Variants in MAST4 observed in about 807,000 individuals in gnomAD.
MAST4 encodes the protein microtubule associated serine/threonine kinase family member 4, also known as microtubule-associated serine/threonine-protein kinase 4.
In MAST4, 89 loss-of-function variants were observed where a neutral mutation model predicts 162.7. The observed-to-expected ratio is 0.55, with a 90% confidence interval of 0.46 to 0.65. The LOEUF (loss-of-function observed/expected upper bound fraction) is 0.65, where lower values mean the gene tolerates loss of function less well. MAST4 is among the 30% of genes least tolerant of loss of function. The pLI is 0.00. For synonymous variants in MAST4, 1,479 were observed against 1,361.1 expected (o/e 1.09, Z -1.91); for missense variants, 3,153 against 3,374.0 (o/e 0.93, Z 1.62).
At chr5:66,856,745 AG>A (rs1759712636) in intron 3 of MAST4, among the ~76,000 whole-genome samples, 2 of 152,234 alleles carry the variant, frequency 1.3e-5, no homozygotes, top group South Asian at 4.1e-4. Flanking sequence ...ATATTACTGT[AG>A]GAAGATCTTT....
chr5:66,751,849 C>G (rs1356099031), intron 1 of MAST4, among the ~76,000 whole-genome samples: 1 of 148,800 alleles, frequency 6.7e-6, no homozygotes, highest in Non-Finnish European at 1.5e-5. Context: ...TTGTCAGATT[C>G]ACCAAAGTTG....
intron 4 of MAST4, among the ~76,000 whole-genome samples, chr5:66,933,397 T>A (rs1742377770): frequency 1.3e-5 from 2 of 152,116 alleles, no homozygotes; most frequent in Admixed American, 6.5e-5. Context: ...AGGAAAAAAA[T>A]TATTTTTGGT....
At chr5:67,133,998 G>T (rs1387281508) in intron 17 of MAST4, among the ~76,000 whole-genome samples, 1 of 152,106 alleles carries the variant, frequency 6.6e-6, no homozygotes, top group Non-Finnish European at 1.5e-5. Flanking sequence ...ACCATCACGG[G>T]TGCTAAATCC....
intron 1 of MAST4, among the ~76,000 whole-genome samples, chr5:66,654,250 G>A (rs140781960): frequency 1.8e-4 from 28 of 152,338 alleles, no homozygotes; most frequent in African/African-American, 6.7e-4. Flanking sequence ...GGACATAGAA[G>A]TGGTACAGAA....
At chr5:66,915,648 A>T (rs547082285) in intron 4 of MAST4, among the ~76,000 whole-genome samples, 11 of 152,322 alleles carry the variant, frequency 7.2e-5, no homozygotes, top group Non-Finnish European at 1.0e-4. Flanking sequence ...GAGGAAAAAA[A>T]TGCCAGTTGT....
intron 3 of MAST4, among the ~76,000 whole-genome samples, chr5:66,798,913 C>G (rs1332291454): frequency 6.6e-6 from 1 of 152,100 alleles, no homozygotes; most frequent in Non-Finnish European, 1.5e-5. Flanking sequence ...TTCCTAAATA[C>G]AGTGATGAAG....
At chr5:66,682,005 A>C (rs754403494) in intron 1 of MAST4, among the ~76,000 whole-genome samples, 5 of 152,216 alleles carry the variant, frequency 3.3e-5, no homozygotes, top group Non-Finnish European at 7.3e-5. Context: ...ACAGCCAGAC[A>C]GTCTATCGTG....
intron 4 of MAST4, among the ~76,000 whole-genome samples, chr5:66,907,160 AGAGAGAGAG>A (rs1561433672): frequency 0.061 from 642 of 10,572 alleles, 25 homozygotes; most frequent in African/African-American, 0.1. Context: ...CAGCAAAGCG[AGAGAGAGAG>A]AGAGAGAGAG....
At chr5:66,954,435 G>A (rs909750397) in intron 4 of MAST4, among the ~76,000 whole-genome samples, 2 of 152,058 alleles carry the variant, frequency 1.3e-5, no homozygotes, top group Non-Finnish European at 2.9e-5. Context: ...ATATAGGGAG[G>A]GTCATTCATT....
intron 3 of MAST4, among the ~76,000 whole-genome samples, chr5:66,801,475 A>G (rs1755919556): frequency 6.6e-6 from 1 of 152,244 alleles, no homozygotes; most frequent in South Asian, 2.1e-4. Context: ...AGATGTTAAA[A>G]AATGAAAACT....
rs1216715201 is a variant in MAST4, at chr5:67,169,074, T to C, written c.*2023T>C. On this transcript the variant is annotated 3_prime_UTR_variant, in exon 29 of 29. Coordinates refer to ENST00000403625, the MANE Select transcript of MAST4 (RefSeq NM_001164664.2). The stretch of plus-strand genomic sequence containing the variant: ...GGTCTCAACGTTTATAATACATATC[T>C]GTGTTTGGCAGTTGTCATAACCCAA... The C allele has an allele frequency of 1.3e-5, 2 of 152,190 alleles. No homozygotes were observed. Among genetic ancestry groups the C allele is most frequent in the Non-Finnish European group, 2.9e-5 (2 of 68,036 alleles). The allele number at this position is 152,190 out of a possible 1,614,324, so 9.4% of individuals were successfully genotyped here. A position where few individuals can be genotyped will look rare whatever the true frequency, so the allele number is the denominator to read the frequency against.
chr5:66,612,138 A>C (rs1435767535), intron 1 of MAST4, among the ~76,000 whole-genome samples: 1 of 152,224 alleles, frequency 6.6e-6, no homozygotes, highest in Admixed American at 6.5e-5. Context: ...TATCTCTGGC[A>C]GTGTTTAAAG....
chr5:66,765,622 TA>T (rs543751372), intron 2 of MAST4, among the ~76,000 whole-genome samples: 1,779 of 152,130 alleles, frequency 0.012, 32 homozygotes, highest in African/African-American at 0.039. Flanking sequence ...GTTAGCTTCT[TA>T]AAAAAAATCT....
At chr5:67,049,975 G>C (rs1026907092) in intron 4 of MAST4, among the ~76,000 whole-genome samples, 3 of 152,216 alleles carry the variant, frequency 2.0e-5, no homozygotes, top group Non-Finnish European at 4.4e-5. Context: ...AACTTTTACA[G>C]GTCCCACCAA....
Position 66,966,759 on chromosome 5 carries a change from G to A in MAST4, c.674+66777G>A, listed in dbSNP as rs148783204. Reference sequence around the variant, plus strand: ...GGAAATAAGTTTGGTTAAATAGTTAGCAATCTTTGTTGTAGAAGTTGATGA... The same window carrying A: ...GGAAATAAGTTTGGTTAAATAGTTAACAATCTTTGTTGTAGAAGTTGATGA... On this transcript the variant is annotated intron_variant, in intron 4 of 28. Coordinates refer to ENST00000403625, the MANE Select transcript of MAST4 (RefSeq NM_001164664.2). Among the ~76,000 whole-genome samples, 736 of 152,350 alleles carry A rather than the reference G, an allele frequency of 4.8e-3. 6 individuals are homozygous for A. Among genetic ancestry groups the A allele is most frequent in the African/African-American group, 0.017 (692 of 41,580 alleles).
At chr5:67,149,724 A>G (rs928448201) in intron 24 of MAST4, 135 bp downstream of exon 24, 2 of 882,976 alleles carry the variant, frequency 2.3e-6, no homozygotes, top group Non-Finnish European at 3.5e-6. Flanking sequence ...ACAGCTCTTG[A>G]GAGCTTCTGC....
intron 5 of MAST4, among the ~76,000 whole-genome samples, chr5:67,058,722 C>T (rs760283019): frequency 2.0e-5 from 3 of 152,098 alleles, no homozygotes; most frequent in Non-Finnish European, 4.4e-5. Flanking sequence ...GATGAAAGCA[C>T]ACTTGTATAT....
chr5:67,106,959 T>G (rs1358992448), intron 10 of MAST4, among the ~76,000 whole-genome samples: 2 of 152,244 alleles, frequency 1.3e-5, no homozygotes, highest in Non-Finnish European at 2.9e-5. Flanking sequence ...AGTAATCTAA[T>G]TCTGCTGTTG....
At chr5:66,681,653 T>C (rs34586771) in intron 1 of MAST4, among the ~76,000 whole-genome samples, 16,541 of 152,286 alleles carry the variant, frequency 0.11, 983 homozygotes, top group Admixed American at 0.16. Flanking sequence ...TAATTCTTTA[T>C]ATTTGTGCTT....
Sources: gnomAD v4.1 joint callset for allele counts (sites outside exome capture counted in the v4.1 genomes callset) on GRCh38, gnomAD v4.1.1 for gene constraint, MANE v1.5 for transcripts, NCBI Gene and HGNC (gene_info 2026-07-23, HGNC 2026-07-21) for gene names.